Variants in LTBP1 observed in about 807,000 individuals in gnomAD.
The protein encoded by LTBP1 is latent-transforming growth factor beta-binding protein 1.
A neutral mutation model predicts 207.6 loss-of-function variants in LTBP1; 129 were observed. The ratio of observed to expected loss-of-function variants is 0.62; its 90% CI spans 0.54 to 0.72. The LOEUF (loss-of-function observed/expected upper bound fraction) is 0.72, where lower values mean the gene tolerates loss of function less well. Ranked by LOEUF, LTBP1 falls within the 30% of genes least tolerant of loss-of-function variation. LTBP1 has a pLI of 0.00. For synonymous variants in LTBP1, 963 were observed against 833.7 expected, an observed-to-expected ratio of 1.16 and a Z score of -2.67; for missense variants, 2,281 against 2,217.2, an observed-to-expected ratio of 1.03 and a Z score of -0.58.
chr2:33,382,407 T>A (rs1435022490), intron 31 of LTBP1, among the ~76,000 whole-genome samples: 2 of 152,166 alleles, frequency 1.3e-5, no homozygotes, highest in African/African-American at 4.8e-5. Context: ...GCTTCCCTAA[T>A]GCTTTCTTAT....
chr2:33,290,370 A>G (rs1573647560), intron 19 of LTBP1, among the ~76,000 whole-genome samples: 1 of 152,318 alleles, frequency 6.6e-6, no homozygotes, highest in South Asian at 2.1e-4. Flanking sequence ...GTTGGAAGCT[A>G]GAACTGTGGG....
chr2:32,947,783 T>G lies in LTBP1; in HGVS notation c.459T>G (p.Ser153=). The G allele has an allele frequency of 1.3e-6, 2 of 1,496,038 alleles. No individual in the cohort carries two copies. Among genetic ancestry groups the G allele is most frequent in the Non-Finnish European group, 1.8e-6 (2 of 1,119,522 alleles). 92.7% of individuals were successfully genotyped at this position (1,496,038 alleles called of 1,614,324 possible). ...AGGAGACCCAGAGCGGCGGAGGCTCTAGGCTGCAGGTTCACCAGAAGCAGC... is the reference window on the plus strand; with the variant it reads ...AGGAGACCCAGAGCGGCGGAGGCTCGAGGCTGCAGGTTCACCAGAAGCAGC... ...VPQETQSGGG[S]RLQVHQKQQL... The change falls in exon 1 of 34, where the codon TCT becomes TCG. Residue 153 remains serine, a synonymous_variant. Transcript: ENST00000404816.
At chr2:33,163,377 A>AGAAT (rs1222143468) in intron 5 of LTBP1, among the ~76,000 whole-genome samples, 2 of 152,228 alleles carry the variant, frequency 1.3e-5, no homozygotes, top group Non-Finnish European at 2.9e-5. Flanking sequence ...TATTCTGGAC[A>AGAAT]TGATATTAAA....
At chr2:32,948,743 C>A in intron 1 of LTBP1, 132 bp from the exon 2 acceptor site, 1 of 815,294 alleles carries the variant, frequency 1.2e-6, no homozygotes, top group Non-Finnish European at 2.1e-6. Context: ...ATCCAGGGTA[C>A]CTGTTAGGAC....
intron 26 of LTBP1, among the ~76,000 whole-genome samples, chr2:33,355,830 G>C (rs531421684): frequency 6.6e-6 from 1 of 152,308 alleles, no homozygotes; most frequent in African/African-American, 2.4e-5. Context: ...AGGCCTAGGT[G>C]TGCGTGTGTG....
chr2:33,310,136 C>T (rs141528555), intron 23 of LTBP1, among the ~76,000 whole-genome samples: 93 of 151,994 alleles, frequency 6.1e-4, no homozygotes, highest in African/African-American at 1.9e-3. Flanking sequence ...TTACTGGAGA[C>T]GGGGGTTTCA....
intron 25 of LTBP1, among the ~76,000 whole-genome samples, chr2:33,345,860 CAT>C (rs749033977): frequency 2.4e-4 from 37 of 152,166 alleles, no homozygotes; most frequent in Admixed American, 9.8e-4. Context: ...ATGCATAAGA[CAT>C]GTGAGCATTT....
At chr2:33,187,806 AT>A (rs1404428770) in intron 6 of LTBP1, among the ~76,000 whole-genome samples, 4 of 152,146 alleles carry the variant, frequency 2.6e-5, no homozygotes, top group Non-Finnish European at 4.4e-5. Flanking sequence ...CAGGTACTGT[AT>A]TATTTAAGGG....
At chr2:33,156,919 A>G (rs1217466544) in intron 5 of LTBP1, among the ~76,000 whole-genome samples, 1 of 152,248 alleles carries the variant, frequency 6.6e-6, no homozygotes, top group Admixed American at 6.5e-5. Context: ...GAATTTTAAG[A>G]GAATTCAAAG....
At position 33,257,348 on chromosome 2, in the gene LTBP1, G is replaced by A. The variant is rs550639741; in HGVS notation, c.2232G>A (p.Arg744=). ...CGGTTTCTGGCGTTCATAGACGCAG[G>A]CCAATCCATCACCATGTAGGTAAAG... ...GYTVSGVHRR[R]PIHHHVGKGP... The change falls in exon 12 of 34, where the codon AGG becomes AGA. Residue 744 remains arginine (R), a synonymous_variant. Coordinates refer to ENST00000404816, the MANE Select transcript of LTBP1 (RefSeq NM_206943.4). 2 of 1,614,200 alleles carry A rather than the reference G, an allele frequency of 1.2e-6. No homozygotes were observed. The highest frequency in any genetic ancestry group is 2.7e-5 in the African/African-American group (2 of 75,050).
At chr2:33,213,851 A>T (rs966494392) in intron 7 of LTBP1, among the ~76,000 whole-genome samples, 1 of 152,318 alleles carries the variant, frequency 6.6e-6, no homozygotes, top group South Asian at 2.1e-4. Flanking sequence ...CCATTTATTT[A>T]AACAATTTGG....
At position 33,134,829 on chromosome 2, in the gene LTBP1, C is replaced by T; in HGVS notation, c.1070C>T (p.Thr357Ile). 1.9e-6 allele frequency: 3 copies of T among 1,614,160 alleles called. No homozygotes were observed. Among genetic ancestry groups the T allele is most frequent in the Non-Finnish European group, 2.5e-6 (3 of 1,180,038 alleles). The change falls in exon 5 of 34, where the codon ACT (threonine) becomes ATT (isoleucine). Residue 357 changes from threonine to isoleucine, a missense_variant. Physicochemically the swap from Thr to Ile is moderately conservative, Grantham distance 89. Around this residue, in one of 3 missense-constraint regions of LTBP1, gnomAD observed 55 missense variants for 91.5 expected, o/e 0.60. Transcript: ENST00000404816. The surrounding 1 kb of genome is among the most constrained non-coding windows in gnomAD (Gnocchi z 4.4). ...NHTGRIKVVF[T>I]PSICKVTCTK... ...ACTGGCCGCATCAAGGTGGTCTTTA[C>T]TCCGAGCATCTGTAAAGTGACCTGC...
intron 19 of LTBP1, among the ~76,000 whole-genome samples, chr2:33,280,435 C>G (rs2093537102): frequency 6.6e-6 from 1 of 151,938 alleles, no homozygotes; most frequent in Non-Finnish European, 1.5e-5. Context: ...ATAGTAAGGT[C>G]TACAGGAAGG....
chr2:33,039,728 T>C (rs1281487782), intron 3 of LTBP1, among the ~76,000 whole-genome samples: 1 of 152,208 alleles, frequency 6.6e-6, no homozygotes, highest in Non-Finnish European at 1.5e-5. Flanking sequence ...TGAATGGAAT[T>C]AAACATTTTT....
At chr2:33,267,238 C>T (rs1020869890) in intron 15 of LTBP1, among the ~76,000 whole-genome samples, 32 of 152,250 alleles carry the variant, frequency 2.1e-4, no homozygotes, top group African/African-American at 2.4e-5. Context: ...TGCTCACACA[C>T]CCCTCACTGC....
intron 2 of LTBP1, among the ~76,000 whole-genome samples, chr2:32,961,295 A>G (rs766024413): frequency 2.6e-5 from 4 of 152,220 alleles, no homozygotes; most frequent in Non-Finnish European, 4.4e-5. Context: ...GACCCTCAGC[A>G]GGGAGCTGCG....
At chr2:33,085,249 G>T (rs145824654) in intron 3 of LTBP1, among the ~76,000 whole-genome samples, 1 of 152,170 alleles carries the variant, frequency 6.6e-6, no homozygotes, top group African/African-American at 2.4e-5. Flanking sequence ...CTCCATACCC[G>T]AGAGAGAATA....
intron 2 of LTBP1, among the ~76,000 whole-genome samples, chr2:33,012,410 G>A (rs1687798063): frequency 6.6e-6 from 1 of 152,230 alleles, no homozygotes; most frequent in South Asian, 2.1e-4. Flanking sequence ...AGGCTCGGTA[G>A]TAGCTCCTCA....
intron 3 of LTBP1, among the ~76,000 whole-genome samples, chr2:33,027,608 A>T (rs2149284557): frequency 6.6e-6 from 1 of 152,242 alleles, no homozygotes; most frequent in South Asian, 2.1e-4. Context: ...AGGCCTAGGC[A>T]GCTGGATCAT....
Sources: allele counts gnomAD v4.1 joint callset (sites outside exome capture counted in the v4.1 genomes callset), GRCh38; gene constraint gnomAD v4.1.1; regional missense constraint gnomAD v4.1.1; non-coding constraint Gnocchi (gnomAD v3.1); transcripts MANE v1.5; gene names NCBI Gene and HGNC (gene_info 2026-07-23, HGNC 2026-07-21).